The following FAM133B variants were observed in gnomAD, a reference collection of about 807,000 sequenced individuals.
FAM133B encodes the protein family with sequence similarity 133 member B, also known as protein FAM133B.
A neutral mutation model predicts 46.4 loss-of-function variants in FAM133B; 25 were observed. The observed-to-expected ratio is 0.54, with a 90% CI of 0.39 to 0.75. The LOEUF (loss-of-function observed/expected upper bound fraction) is 0.75. FAM133B is among the 30% of genes least tolerant of loss of function. FAM133B has a pLI of 0.00. For synonymous variants in FAM133B, 75 were observed against 86.0 expected (o/e 0.87, Z 0.71); for missense variants, 205 against 277.6 (o/e 0.74, Z 1.86).
chr7:92,584,517 A>C (rs1343331594), intron 1 of FAM133B, among the ~76,000 whole-genome samples: 2 of 152,198 alleles, frequency 1.3e-5, no homozygotes, highest in Non-Finnish European at 2.9e-5. Context: ...TGGAATGAAA[A>C]AGATAAATCT....
At chr7:92,588,829 G>A (rs2116431814) in intron 1 of FAM133B, among the ~76,000 whole-genome samples, 1 of 152,168 alleles carries the variant, frequency 6.6e-6, no homozygotes, top group South Asian at 2.1e-4. Flanking sequence ...CCCTCTCTTG[G>A]TCCCGCTCCT....
At chr7:92,572,735 A>G (rs1794569738) in intron 8 of FAM133B, among the ~76,000 whole-genome samples, 1 of 152,208 alleles carries the variant, frequency 6.6e-6, no homozygotes, top group Non-Finnish European at 1.5e-5. Context: ...CAAAAAAACA[A>G]AAAACAGTAA....
In FAM133B at chr7:92,578,163, T is replaced by C. The variant is rs1204184996; in HGVS notation, c.296A>G (p.Lys99Arg). ...KKRQRKKKEK[K>R]KSGRYSSSSS... The stretch of plus-strand genomic sequence containing the variant: ...ATTTTTGCTCACCCTACCAGATTTC[T>C]TCTTTTCTTTTTTCTTTCTCTAAAT... Residue 99 changes from lysine to arginine, a missense_variant, in exon 5 of 11, where the codon AAG becomes AGG. By Grantham distance (26) the Lys-to-Arg change is conservative. Coordinates refer to ENST00000445716, the MANE Select transcript of FAM133B (RefSeq NM_152789.4). 4 of 1,610,350 alleles carry C rather than the reference T, an allele frequency of 2.5e-6. No individual in the cohort carries two copies. In the South Asian group the frequency reaches 3.3e-5, roughly 13 times the overall value.
rs1795164758 is a variant in FAM133B, at chr7:92,590,304, A to C, written c.-13T>G. ...CCCGCTTCCCCATGGTGCTGGATCG[A>C]GCGCACAGTAGCACGCCGAGGGAAA... On this transcript the variant is annotated 5_prime_UTR_variant, in exon 1 of 11. Transcript: ENST00000445716. 6.2e-7 allele frequency: 1 copy of C among 1,613,704 alleles called. No individual in the cohort carries two copies. The highest frequency in any genetic ancestry group is 8.5e-7 in the Non-Finnish European group (1 of 1,179,720).
intron 10 of FAM133B, among the ~76,000 whole-genome samples, chr7:92,564,947 A>G (rs536106353): frequency 1.1e-3 from 165 of 152,206 alleles, no homozygotes; most frequent in Non-Finnish European, 1.9e-3. Context: ...TATCAAAAGA[A>G]TCTTTATTAA....
chr7:92,563,664 C>G (rs1181494648), intron 10 of FAM133B, among the ~76,000 whole-genome samples: 1 of 152,186 alleles, frequency 6.6e-6, no homozygotes, highest in Non-Finnish European at 1.5e-5. Flanking sequence ...ACAGCTCTAC[C>G]TGGGATGTCT....
intron 8 of FAM133B, among the ~76,000 whole-genome samples, chr7:92,572,825 T>G (rs1270211845): frequency 6.6e-6 from 1 of 152,164 alleles, no homozygotes; most frequent in Admixed American, 6.6e-5. Context: ...AATCTAGATG[T>G]TCATAAAAAG....
chr7:92,572,764 G>C (rs957371515), intron 8 of FAM133B, among the ~76,000 whole-genome samples: 3 of 152,020 alleles, frequency 2.0e-5, no homozygotes, highest in Non-Finnish European at 4.4e-5. Flanking sequence ...AAGAAGAAAT[G>C]GGTAAGAAAT....
chr7:92,562,988 T>C (rs1345432542), intron 10 of FAM133B, among the ~76,000 whole-genome samples: 2 of 152,200 alleles, frequency 1.3e-5, no homozygotes, highest in African/African-American at 2.4e-5. Context: ...CCGGTAGAAG[T>C]AGTTAAACTG....
At chr7:92,562,391 G>C (rs1332346249) in intron 10 of FAM133B, 23 bp from the exon 11 acceptor site, 2 of 1,520,712 alleles carry the variant, frequency 1.3e-6, no homozygotes, top group Non-Finnish European at 1.8e-6. Flanking sequence ...TTCCATGTTA[G>C]ACATTACTAT....
At position 92,589,141 on chromosome 7, in the gene FAM133B, C is replaced by G. The variant is rs75042290; in HGVS notation, c.24+1127G>C. On this transcript the variant is annotated intron_variant, in intron 1 of 10. Transcript: ENST00000445716. Reference sequence around the variant, plus strand: ...GCGAGTTCAAGAAACGTAGCACATTCGTTTTACGTGCATTTTCCTCATTTT... The same window carrying G: ...GCGAGTTCAAGAAACGTAGCACATTGGTTTTACGTGCATTTTCCTCATTTT... 7.2e-3 allele frequency among the ~76,000 whole-genome samples: 1,099 copies of G among 152,316 alleles called. 8 individuals are homozygous for G. Among genetic ancestry groups the G allele is most frequent in the Non-Finnish European group, 1.0e-2 (678 of 68,024 alleles).
intron 1 of FAM133B, among the ~76,000 whole-genome samples, chr7:92,587,501 C>T (rs545167558): frequency 2.0e-5 from 3 of 152,094 alleles, no homozygotes; most frequent in East Asian, 3.9e-4. Flanking sequence ...GAGGCCGAGA[C>T]GGGAGGATTG....
intron 8 of FAM133B, among the ~76,000 whole-genome samples, chr7:92,573,142 G>GA (rs974142293): frequency 1.3e-4 from 19 of 145,824 alleles, no homozygotes; most frequent in African/African-American, 4.7e-4. Flanking sequence ...TATATCAAAG[G>GA]AAAAAATGAT....
At chr7:92,572,906 A>G (rs192918642) in intron 8 of FAM133B, among the ~76,000 whole-genome samples, 5 of 152,346 alleles carry the variant, frequency 3.3e-5, no homozygotes, top group Admixed American at 3.3e-4. Context: ...ACTTGAAAGT[A>G]TCAGTAAGGA....
chr7:92,561,777 GC>G lies in FAM133B; in HGVS notation c.*504del, dbSNP rs1794164519. 9.2e-6 allele frequency: 1 copy of G among 108,122 alleles called. No individual in the cohort carries two copies. Among genetic ancestry groups the G allele is most frequent in the Non-Finnish European group, 1.8e-5 (1 of 54,274 alleles). The allele number at this position is 108,122 out of a possible 1,614,324, so 6.7% of individuals were successfully genotyped here. A position where few individuals can be genotyped will look rare whatever the true frequency, so the allele number is the denominator to read the frequency against. On this transcript the variant is annotated 3_prime_UTR_variant, in exon 11 of 11. Coordinates refer to ENST00000445716, the MANE Select transcript of FAM133B (RefSeq NM_152789.4). Reference sequence around the variant, plus strand: ...CACTATTCTGCTAGCTAAAGAGATAGCAAACCACCCCCCAACCCTAAAAGCT... The same window carrying G: ...CACTATTCTGCTAGCTAAAGAGATAGAAACCACCCCCCAACCCTAAAAGCT...
intron 2 of FAM133B, among the ~76,000 whole-genome samples, 181 bp downstream of exon 2, chr7:92,581,325 T>C (rs899514537): frequency 6.6e-6 from 1 of 152,258 alleles, no homozygotes; most frequent in African/African-American, 2.4e-5. Flanking sequence ...GGTTCTTAAA[T>C]GTTTGCTTTA....
Position 92,566,031 on chromosome 7 carries a change from C to T in FAM133B, c.640G>A (p.Glu214Lys), listed in dbSNP as rs1337893344. Residue 214 changes from glutamate (E) to lysine (K), a missense_variant, in exon 10 of 11, where the codon GAA (glutamate) becomes AAA (lysine). Physicochemically the swap from Glu to Lys is moderately conservative, Grantham distance 56. Transcript: ENST00000445716. Reference sequence around the variant, plus strand: ...ATACTTGCTGTTGCTTTTTCTCGTTCTTCACTGCTTTTCTTCTTTTTTGCT... The same window carrying T: ...ATACTTGCTGTTGCTTTTTCTCGTTTTTCACTGCTTTTCTTCTTTTTTGCT... ...VRAKKKKSSEEREKATEKTKK... is the reference protein window; with the variant it reads ...VRAKKKKSSEKREKATEKTKK... 1 of 1,613,738 alleles carries T rather than the reference C, an allele frequency of 6.2e-7. No homozygotes were observed. Among genetic ancestry groups the T allele is most frequent in the Non-Finnish European group, 8.5e-7 (1 of 1,179,816 alleles).
chr7:92,581,684 C>T (rs1230820456), intron 1 of FAM133B, 81 bp from the exon 2 acceptor site: 2 of 1,039,940 alleles, frequency 1.9e-6, no homozygotes, highest in African/African-American at 1.6e-5. Flanking sequence ...GTAATCTTTA[C>T]TATAAATGCA....
At chr7:92,569,042 C>G (rs866161708) in intron 9 of FAM133B, among the ~76,000 whole-genome samples, 1 of 152,110 alleles carries the variant, frequency 6.6e-6, no homozygotes, top group South Asian at 2.1e-4. Context: ...AGAGATAGAG[C>G]TGGGCAGGAC....
Sources: gnomAD v4.1 joint callset for allele counts (sites outside exome capture counted in the v4.1 genomes callset) on GRCh38, gnomAD v4.1.1 for gene constraint, MANE v1.5 for transcripts, NCBI Gene and HGNC (gene_info 2026-07-23, HGNC 2026-07-21) for gene names.